The following KDM6B variants were observed in gnomAD, a reference collection of about 807,000 sequenced individuals.
The protein encoded by KDM6B is lysine-specific demethylase 6B.
KDM6B carries 22 observed loss-of-function variants against 150.4 expected under a neutral mutation model. That is an observed-to-expected ratio of 0.15 (90% CI 0.10 to 0.21). The LOEUF (loss-of-function observed/expected upper bound fraction) is 0.21. Among genes scored for constraint, KDM6B ranks in the 10% least tolerant of loss-of-function variants. The pLI is 1.00. For synonymous variants in KDM6B, 1,148 were observed against 921.1 expected, an observed-to-expected ratio of 1.25 and a Z score of -4.46; for missense variants, 1,984 against 2,234.3, an observed-to-expected ratio of 0.89 and a Z score of 2.26.
chr17:7,846,786 G>T (rs2078549457), intron 9 of KDM6B, 33 bp from the exon 10 acceptor site: 23 of 1,613,728 alleles, frequency 1.4e-5, no homozygotes, highest in Non-Finnish European at 1.9e-5. Context: ...GCAGGACTTG[G>T]GAATGGGATT....
In KDM6B at chr17:7,834,267, C is replaced by T. The variant is rs896662757; in HGVS notation, c.-471C>T. Among the ~76,000 whole-genome samples, 6 of 151,452 alleles carry T rather than the reference C, an allele frequency of 4.0e-5. No homozygotes were observed. The highest frequency in any genetic ancestry group is 1.5e-4 in the African/African-American group (6 of 41,284). On this transcript the variant is annotated 5_prime_UTR_variant, in exon 1 of 24. Transcript: ENST00000448097. ...CCACTGGGCGGAGCGGCCCCCCCAG[C>T]CCCGGCCTGGGAGAAGGGGGGGCCG...
At chr17:7,850,222 TG>T in intron 14 of KDM6B, 45 bp downstream of exon 14, 2 of 1,503,906 alleles carry the variant, frequency 1.3e-6, no homozygotes, top group Non-Finnish European at 1.8e-6. Context: ...TACAAGGGTC[TG>T]GGGCATGTAG....
chr17:7,844,941 T>C lies in KDM6B; in HGVS notation c.-228T>C, dbSNP rs2078500458. 1 of 169,012 alleles carries C rather than the reference T, an allele frequency of 5.9e-6. No individual in the cohort carries two copies. Among genetic ancestry groups the C allele is most frequent in the African/African-American group, 2.4e-5 (1 of 41,640 alleles). The allele number at this position is 169,012 out of a possible 1,614,324, so 10.5% of individuals were successfully genotyped here. Reference sequence around the variant, plus strand: ...GAGACACGGGTGATGATTGGCTTTCTGGGGAGAGAGGAAGTCCTGTGATTG... The same window carrying C: ...GAGACACGGGTGATGATTGGCTTTCCGGGGAGAGAGGAAGTCCTGTGATTG... On this transcript the variant is annotated 5_prime_UTR_variant, in exon 3 of 24. Transcript: ENST00000448097. The surrounding 1 kb of genome is among the most constrained non-coding windows in gnomAD (Gnocchi z 5.9).
At chr17:7,850,016 G>A in intron 13 of KDM6B, 56 bp from the exon 14 acceptor site, 1 of 1,613,460 alleles carries the variant, frequency 6.2e-7, no homozygotes, top group Non-Finnish European at 8.5e-7. Flanking sequence ...GGGACTGCTG[G>A]GGTGCTCTGA....
At position 7,844,266 on chromosome 17, in the gene KDM6B, TGGG is replaced by T. The variant is rs2078483493; in HGVS notation, c.-268-632_-268-630del. On this transcript the variant is annotated intron_variant, in intron 2 of 23. Coordinates refer to ENST00000448097, the MANE Select transcript of KDM6B (RefSeq NM_001348716.2). The surrounding 1 kb of genome is among the most constrained non-coding windows in gnomAD (Gnocchi z 5.9). ...CCGCGGTGCGCGACTTCTCGGAAGT[TGGG>T]GGACTAAAAGGGGTCTGATTTTGGG... 6.6e-6 allele frequency: 1 copy of T among 151,474 alleles called. No individual in the cohort carries two copies. The highest frequency in any genetic ancestry group is 1.5e-5 in the Non-Finnish European group (1 of 67,944). The allele number at this position is 151,474 out of a possible 1,614,324, so 9.4% of individuals were successfully genotyped here. A position where few individuals can be genotyped will look rare whatever the true frequency, so the allele number is the denominator to read the frequency against.
At chr17:7,835,316 G>A (rs557148336) in intron 1 of KDM6B, among the ~76,000 whole-genome samples, 46 of 152,222 alleles carry the variant, frequency 3.0e-4, no homozygotes, top group African/African-American at 1.1e-3. Context: ...TGACACTGGT[G>A]GGGGTTAGAG....
rs61764072 is a variant in KDM6B, at chr17:7,849,205, A to C, written c.2917A>C (p.Lys973Gln). Residue 973 changes from lysine (K) to glutamine (Q), a missense_variant, in exon 12 of 24, where the codon AAG becomes CAG. Physicochemically the swap from Lys to Gln is moderately conservative, Grantham distance 53 (BLOSUM62 1). Coordinates refer to ENST00000448097, the MANE Select transcript of KDM6B (RefSeq NM_001348716.2). ...GGTGGCGGCAGTGTCAGGCAGCTGT[A>C]AGCGGCGACAGAAGGAGCATCAGAA... ...GGVAAVSGSC[K>Q]RRQKEHQKEH... 0.012 allele frequency: 19,761 copies of C among 1,598,990 alleles called. 157 individuals are homozygous for C. The highest frequency in any genetic ancestry group is 0.016 in the Middle Eastern group (99 of 6,040).
chr17:7,842,459 C>T (rs1249847653), intron 2 of KDM6B, among the ~76,000 whole-genome samples: 5 of 152,356 alleles, frequency 3.3e-5, no homozygotes, highest in Admixed American at 6.5e-5. Context: ...CTACCTCTCG[C>T]CTGTCTTCGA....
At chr17:7,841,516 G>A (rs2078413574) in intron 2 of KDM6B, among the ~76,000 whole-genome samples, 1 of 152,232 alleles carries the variant, frequency 6.6e-6, no homozygotes, top group Non-Finnish European at 1.5e-5. Flanking sequence ...CCAGACAAAA[G>A]ACCGAGACAG....
rs1411499550 is a variant in KDM6B at position 7,854,461 on chromosome 17, GA to G, written c.*944del. ...AAGGTTTTAAAGAAAGAACTATGAG[GA>G]AAAGGAACCCCGTCCTTCCCAGCCC... On this transcript the variant is annotated 3_prime_UTR_variant, in exon 24 of 24. Coordinates refer to ENST00000448097, the MANE Select transcript of KDM6B (RefSeq NM_001348716.2). 2.6e-5 allele frequency: 4 copies of G among 152,112 alleles called. No individual in the cohort carries two copies. In the East Asian group the frequency reaches 5.8e-4, roughly 22 times the overall value. 9.4% of individuals were successfully genotyped at this position (152,112 alleles called of 1,614,324 possible).
chr17:7,846,377 G>GGGCCCC, intron 7 of KDM6B, 23 bp from the exon 8 acceptor site: 1 of 1,479,474 alleles, frequency 6.8e-7, no homozygotes, highest in Non-Finnish European at 9.1e-7. Context: ...ATCTGCCCCT[G>GGGCCCC]CCCCGTGTCC....
chr17:7,848,262 C>G lies in KDM6B; in HGVS notation c.1974C>G (p.Pro658=), dbSNP rs1389613. 1.9e-6 allele frequency: 3 copies of G among 1,612,122 alleles called. No homozygotes were observed. Among genetic ancestry groups the G allele is most frequent in the East Asian group, 2.2e-5 (1 of 44,812 alleles). ...GTAAAGCCCCCCAGCCTGTGCCGCC[C>G]GGGGTTGGGGAGCTGCCTGCCCGAG... is the stretch of plus-strand genomic sequence containing the variant. ...PLSKAPQPVP[P]GVGELPARGP... is the part of the protein sequence containing the mutation. Residue 658 remains proline, a synonymous_variant, in exon 12 of 24, where the codon CCC becomes CCG. Coordinates refer to ENST00000448097, the MANE Select transcript of KDM6B (RefSeq NM_001348716.2).
chr17:7,849,902 G>A lies in KDM6B; in HGVS notation c.3522G>A (p.Glu1174=). 6.2e-7 allele frequency: 1 copy of A among 1,613,570 alleles called. No homozygotes were observed. The highest frequency in any genetic ancestry group is 8.5e-7 in the Non-Finnish European group (1 of 1,180,024). The change falls in exon 13 of 24, where the codon GAG becomes GAA. Residue 1174 remains glutamate (E), a synonymous_variant. Coordinates refer to ENST00000448097, the MANE Select transcript of KDM6B (RefSeq NM_001348716.2). ...TGAAACCGAAGATCAACACTGAGGA[G>A]AAGCTGCCCCGGGAAAAACTCAACC... ...QSVKPKINTE[E]KLPREKLNPP...
intron 1 of KDM6B, among the ~76,000 whole-genome samples, 61 bp downstream of exon 1, chr17:7,834,411 G>A (rs1171048126): frequency 6.6e-6 from 1 of 152,148 alleles, no homozygotes; most frequent in Non-Finnish European, 1.5e-5. Flanking sequence ...AGCAGGGCAG[G>A]ACGCCTGAGT....
At chr17:7,846,371 G>GGGGGGGGGCGGGGGGGCCCCCC in intron 7 of KDM6B, 29 bp from the exon 8 acceptor site, 1 of 1,488,926 alleles carries the variant, frequency 6.7e-7, no homozygotes, top group Non-Finnish European at 9.2e-7. Flanking sequence ...CCTGACATCT[G>GGGGGGGGGCGGGGGGGCCCCCC]CCCCTGCCCC....
chr17:7,835,844 T>C lies in KDM6B; in HGVS notation c.-388+1494T>C, dbSNP rs550686791. Reference sequence around the variant, plus strand: ...CTCGTGGAGTCTGTGTAAAGCCGCCTGAGGCTGCGCTCTTCAGCCCCTGGG... The same window carrying C: ...CTCGTGGAGTCTGTGTAAAGCCGCCCGAGGCTGCGCTCTTCAGCCCCTGGG... On this transcript the variant is annotated intron_variant, in intron 1 of 23. Transcript: ENST00000448097. Among the ~76,000 whole-genome samples the C allele has an allele frequency of 1.5e-3, 229 of 149,734 alleles. 1 individual carries two copies. Among genetic ancestry groups the C allele is most frequent in the African/African-American group, 5.2e-3 (208 of 40,302 alleles).
At position 7,843,335 on chromosome 17, in the gene KDM6B, T is replaced by A. The variant is rs762915950; in HGVS notation, c.-268-1566T>A. Among the ~76,000 whole-genome samples the A allele has an allele frequency of 3.9e-5, 6 of 152,158 alleles. No individual in the cohort carries two copies. Among genetic ancestry groups the A allele is most frequent in the Non-Finnish European group, 8.8e-5 (6 of 68,030 alleles). ...ACCACAGTTCAGCGCCGTACCTGGC[T>A]TGGTTACTGATGGAAAGGATGCTGC... is the stretch of plus-strand genomic sequence containing the variant. On this transcript the variant is annotated intron_variant, in intron 2 of 23. Coordinates refer to ENST00000448097, the MANE Select transcript of KDM6B (RefSeq NM_001348716.2). This position sits in a 1 kb window ranked among gnomAD's most constrained non-coding sequence, Gnocchi z 4.5.
Position 7,853,640 on chromosome 17 carries a change from ACC to A in KDM6B, c.*122_*123del. On this transcript the variant is annotated 3_prime_UTR_variant, in exon 24 of 24. Coordinates refer to ENST00000448097, the MANE Select transcript of KDM6B (RefSeq NM_001348716.2). The stretch of plus-strand genomic sequence containing the variant: ...GAAGGGGGTCGGGCCCAGCCCTTCC[ACC>A]CCATTGGCAGCTCCCCTCACTTAAT... 1 of 592,296 alleles carries A rather than the reference ACC, an allele frequency of 1.7e-6. No individual in the cohort carries two copies. The allele number at this position is 592,296 out of a possible 1,614,324, so 36.7% of individuals were successfully genotyped here. A position where few individuals can be genotyped will look rare whatever the true frequency, so the allele number is the denominator to read the frequency against.
At position 7,847,271 on chromosome 17, in the gene KDM6B, A is replaced by C. The variant is rs1457322789; in HGVS notation, c.1076A>C (p.Asp359Ala). 6.3e-7 allele frequency: 1 copy of C among 1,584,504 alleles called. No homozygotes were observed. Among genetic ancestry groups the C allele is most frequent in the Non-Finnish European group, 8.5e-7 (1 of 1,170,664 alleles). ...CLPATRPPGS[D>A]LRESRVQRSR... ...CCTGCCACCCGTCCCCCCGGAAGTG[A>C]CCTTAGAGAGAGCAGAGTTCAGAGG... Residue 359 changes from aspartate to alanine, a missense_variant, in exon 11 of 24, where the codon GAC becomes GCC. Coordinates refer to ENST00000448097, the MANE Select transcript of KDM6B (RefSeq NM_001348716.2).
Sources: gnomAD v4.1 joint callset for allele counts (sites outside exome capture counted in the v4.1 genomes callset) on GRCh38, gnomAD v4.1.1 for gene constraint, Gnocchi (gnomAD v3.1) non-coding constraint, MANE v1.5 for transcripts, NCBI Gene and HGNC (gene_info 2026-07-23, HGNC 2026-07-21) for gene names.